Variants in CAPRIN1 observed in about 807,000 individuals in gnomAD.
CAPRIN1 encodes the protein cell cycle associated protein 1, also known as caprin-1.
A neutral mutation model predicts 100.9 loss-of-function variants in CAPRIN1; 29 were observed. That is an observed-to-expected ratio of 0.29 (90% confidence interval 0.21 to 0.39). CAPRIN1 has a LOEUF of 0.39. Among genes scored for constraint, CAPRIN1 ranks in the 10% least tolerant of loss-of-function variants. The pLI is 1.00. For missense variants in CAPRIN1, 795 were observed against 876.7 expected, an observed-to-expected ratio of 0.91 and a Z score of 1.18; for synonymous variants, 338 against 307.5, an observed-to-expected ratio of 1.10 and a Z score of -1.04.
Position 34,097,207 on chromosome 11 carries a change from G to T in CAPRIN1, c.1912G>T (p.Gly638Cys), listed in dbSNP as rs1262002533. The change falls in exon 17 of 19, where the codon GGT becomes TGT. Residue 638 changes from glycine to cysteine, a missense_variant. Coordinates refer to ENST00000341394, the MANE Select transcript of CAPRIN1 (RefSeq NM_005898.5). Reference protein sequence around the residue: ...PANGFRGGYDGYRPSFSNTPN... With the variant: ...PANGFRGGYDCYRPSFSNTPN... ...GTCCTAAATTTTAGGAGGATATGAT[G>T]GTTACCGCCCTTCATTCTCTAACAC... 6.2e-7 allele frequency: 1 copy of T among 1,611,076 alleles called. No individual in the cohort carries two copies. Among genetic ancestry groups the T allele is most frequent in the South Asian group, 1.1e-5 (1 of 90,978 alleles).
intron 2 of CAPRIN1, among the ~76,000 whole-genome samples, chr11:34,068,215 A>G (rs1242497220): frequency 6.6e-6 from 1 of 152,236 alleles, no homozygotes; most frequent in African/African-American, 2.4e-5. Flanking sequence ...TGGCAGTCTC[A>G]GAGTTACTGT....
intron 11 of CAPRIN1, among the ~76,000 whole-genome samples, chr11:34,088,385 G>T (rs539921297): frequency 6.6e-6 from 1 of 152,166 alleles, no homozygotes; most frequent in Non-Finnish European, 1.5e-5. Context: ...ATTGAGCCGG[G>T]TATGGTAGCT....
intron 2 of CAPRIN1, among the ~76,000 whole-genome samples, chr11:34,060,079 C>G (rs1850543216): frequency 1.3e-5 from 2 of 150,660 alleles, no homozygotes; most frequent in Admixed American, 1.3e-4. Flanking sequence ...AGCTGTAGTT[C>G]CAGCTACTTG....
intron 16 of CAPRIN1, 22 bp from the exon 17 acceptor site, chr11:34,097,174 C>T: frequency 6.6e-6 from 10 of 1,515,646 alleles, no homozygotes; most frequent in Non-Finnish European, 8.2e-6. Context: ...AAAATTATTT[C>T]TTTTCTTGTC....
At chr11:34,081,707 A>G (rs1384715976) in intron 7 of CAPRIN1, among the ~76,000 whole-genome samples, 2 of 152,136 alleles carry the variant, frequency 1.3e-5, no homozygotes, top group African/African-American at 4.8e-5. Flanking sequence ...CATATCGGCT[A>G]GGCTGGTCTC....
rs555701388 is a variant in CAPRIN1 at position 34,075,009 on chromosome 11, C to CT, written c.367-1225dup. 3.9e-5 allele frequency among the ~76,000 whole-genome samples: 6 copies of CT among 152,122 alleles called. No individual in the cohort carries two copies. In the South Asian group the frequency reaches 1.2e-3, roughly 32 times the overall value. On this transcript the variant is annotated intron_variant, in intron 4 of 18. Coordinates refer to ENST00000341394, the MANE Select transcript of CAPRIN1 (RefSeq NM_005898.5). ...CAAGACCAGCCTTGGAAACATAGACCTTGCCTCAAAAAACTTTTTTTAAAT... is the reference window on the plus strand; with the variant it reads ...CAAGACCAGCCTTGGAAACATAGACCTTTGCCTCAAAAAACTTTTTTTAAAT...
intron 2 of CAPRIN1, among the ~76,000 whole-genome samples, chr11:34,069,139 A>T (rs1450205824): frequency 1.3e-5 from 2 of 151,328 alleles, no homozygotes; most frequent in Admixed American, 6.6e-5. Context: ...TCATAAATTC[A>T]AAACTTATTT....
At position 34,092,030 on chromosome 11, in the gene CAPRIN1, A is replaced by G. The variant is rs1851274301; in HGVS notation, c.1679A>G (p.Glu560Gly). ...CAGCCTCACCAAGTAGAACAAACAG[A>G]GCTTCAGCAAGAACAGCTTCAAACA... ...SSQPHQVEQT[E>G]LQQEQLQTVV... Residue 560 changes from glutamate (E) to glycine (G), a missense_variant, in exon 15 of 19, where the codon GAG (glutamate) becomes GGG (glycine). Physicochemically the swap from Glu to Gly is moderately conservative, Grantham distance 98. Around this residue, in one of 3 missense-constraint regions of CAPRIN1, gnomAD observed 648 missense variants for 697.9 expected, o/e 0.93. Coordinates refer to ENST00000341394, the MANE Select transcript of CAPRIN1 (RefSeq NM_005898.5). The G allele has an allele frequency of 6.2e-7, 1 of 1,613,990 alleles. No individual in the cohort carries two copies. Among genetic ancestry groups the G allele is most frequent in the Non-Finnish European group, 8.5e-7 (1 of 1,180,002 alleles).
rs1850913400 is a variant in CAPRIN1 at position 34,076,662 on chromosome 11, CT to C, written c.688+23del. On this transcript the variant is annotated intron_variant, in intron 6 of 18. Transcript: ENST00000341394. Reference sequence around the variant, plus strand: ...CCACCTGTGAGTATCACTGTGATAACTTTGATTTTATAACTAGGAATCTTTA... The same window carrying C: ...CCACCTGTGAGTATCACTGTGATAACTTGATTTTATAACTAGGAATCTTTA... 5 of 1,508,218 alleles carry C rather than the reference CT, an allele frequency of 3.3e-6. No individual in the cohort carries two copies. In the South Asian group the frequency reaches 5.9e-5, roughly 18 times the overall value. 93.4% of individuals were successfully genotyped at this position (1,508,218 alleles called of 1,614,324 possible).
At chr11:34,073,395 G>A (rs1397954702) in intron 4 of CAPRIN1, among the ~76,000 whole-genome samples, 1 of 152,158 alleles carries the variant, frequency 6.6e-6, no homozygotes. Flanking sequence ...AACCTCATAC[G>A]GTTGTGCTTA....
intron 2 of CAPRIN1, among the ~76,000 whole-genome samples, chr11:34,061,263 A>G (rs973453351): frequency 3.3e-4 from 48 of 147,262 alleles, no homozygotes; most frequent in Admixed American, 2.7e-3. Context: ...CTGGAGTACA[A>G]TGGCGCAATC....
intron 6 of CAPRIN1, among the ~76,000 whole-genome samples, chr11:34,079,199 G>T (rs1850963045): frequency 6.6e-6 from 1 of 152,202 alleles, no homozygotes; most frequent in Admixed American, 6.5e-5. Context: ...CCTGAGGTCA[G>T]ACCTTCACTA....
At chr11:34,094,880 C>G (rs1851338680) in intron 15 of CAPRIN1, among the ~76,000 whole-genome samples, 1 of 152,052 alleles carries the variant, frequency 6.6e-6, no homozygotes, top group Non-Finnish European at 1.5e-5. Context: ...TCTTTCCTTT[C>G]CTTTTTCCTT....
intron 11 of CAPRIN1, among the ~76,000 whole-genome samples, chr11:34,087,395 G>A (rs1213219473): frequency 7.1e-5 from 8 of 113,050 alleles, no homozygotes; most frequent in Admixed American, 6.0e-4. Context: ...GTGCAGTGGC[G>A]CAATCTCGGC....
chr11:34,061,578 C>T (rs567478676), intron 2 of CAPRIN1, among the ~76,000 whole-genome samples: 1 of 152,034 alleles, frequency 6.6e-6, no homozygotes, highest in Non-Finnish European at 1.5e-5. Flanking sequence ...CATTCAGCCT[C>T]TGCTTTAACC....
chr11:34,089,524 T>C (rs1851224008), intron 12 of CAPRIN1, 68 bp downstream of exon 12: 3 of 898,184 alleles, frequency 3.3e-6, no homozygotes, highest in Admixed American at 4.1e-5. Flanking sequence ...CCTAGTACTT[T>C]AGGAGGCTGA....
intron 14 of CAPRIN1, 37 bp from the exon 15 acceptor site, chr11:34,091,869 A>C (rs1196513790): frequency 2.5e-6 from 4 of 1,576,232 alleles, no homozygotes; most frequent in Non-Finnish European, 3.4e-6. Context: ...CCAGAGAATA[A>C]AAGGATGAAC....
At chr11:34,091,866 A>G in intron 14 of CAPRIN1, 40 bp from the exon 15 acceptor site, 1 of 1,571,000 alleles carries the variant, frequency 6.4e-7, no homozygotes. Context: ...AAACCAGAGA[A>G]TAAAAGGATG....
chr11:34,053,937 C>T (rs1275462155), intron 2 of CAPRIN1, among the ~76,000 whole-genome samples: 1 of 152,140 alleles, frequency 6.6e-6, no homozygotes, highest in Admixed American at 6.5e-5. Context: ...TTGTCTGCCT[C>T]TAGGAAAACA....
Sources: gnomAD v4.1 joint callset for allele counts (sites outside exome capture counted in the v4.1 genomes callset) on GRCh38, gnomAD v4.1.1 for gene constraint, gnomAD v4.1.1 regional missense constraint, MANE v1.5 for transcripts, NCBI Gene and HGNC (gene_info 2026-07-23, HGNC 2026-07-21) for gene names.